TENM2: variants seen among roughly 807,000 people sequenced by gnomAD.
TENM2 encodes the protein teneurin-2.
TENM2 carries 52 observed loss-of-function variants against 245.2 expected under a neutral mutation model. The ratio of observed to expected loss-of-function variants is 0.21; its 90% CI spans 0.17 to 0.27. The LOEUF is 0.27. Ranked by LOEUF, TENM2 falls within the 10% of genes least tolerant of loss-of-function variation. The pLI is 1.00. For missense variants in TENM2, 3,046 were observed against 3,666.8 expected (o/e 0.83, Z 4.37); for synonymous variants, 1,363 against 1,438.9 (o/e 0.95, Z 1.19).
At chr5:167,463,749 G>A (rs1274978742) in intron 2 of TENM2, among the ~76,000 whole-genome samples, 18 of 152,084 alleles carry the variant, frequency 1.2e-4, no homozygotes, top group Non-Finnish European at 1.5e-5. Flanking sequence ...GCCTGCTTCG[G>A]CCCCCCAGAC....
intron 2 of TENM2, among the ~76,000 whole-genome samples, chr5:167,847,620 AAGTT>A (rs1422656181): frequency 1.3e-5 from 2 of 152,174 alleles, no homozygotes; most frequent in Non-Finnish European, 2.9e-5. Flanking sequence ...ACCTCACTGA[AAGTT>A]AGCGCATCTC....
intron 2 of TENM2, among the ~76,000 whole-genome samples, chr5:167,488,008 A>T (rs1183169030): frequency 6.6e-6 from 1 of 152,192 alleles, no homozygotes; most frequent in Non-Finnish European, 1.5e-5. Flanking sequence ...ACCCCACAGT[A>T]TCCTCAGGTA....
chr5:167,503,409 A>G (rs1386486011), intron 2 of TENM2, among the ~76,000 whole-genome samples: 4 of 152,096 alleles, frequency 2.6e-5, no homozygotes, highest in African/African-American at 7.2e-5. Context: ...GGTACGGGAG[A>G]GTGCAGAGAA....
intron 2 of TENM2, among the ~76,000 whole-genome samples, chr5:167,656,554 G>A (rs114779465): frequency 3.9e-5 from 6 of 152,114 alleles, no homozygotes; most frequent in African/African-American, 1.4e-4. Context: ...AAACATCATG[G>A]GAAGATGACT....
intron 2 of TENM2, among the ~76,000 whole-genome samples, chr5:167,652,814 T>G (rs902035191): frequency 6.6e-6 from 1 of 152,170 alleles, no homozygotes; most frequent in Non-Finnish European, 1.5e-5. Flanking sequence ...TTCCTCTGAG[T>G]CATCTAACTT....
intron 9 of TENM2, among the ~76,000 whole-genome samples, chr5:168,104,431 C>T (rs529246086): frequency 9.2e-5 from 14 of 152,288 alleles, no homozygotes; most frequent in African/African-American, 2.2e-4. Context: ...CAGCTGTGCC[C>T]GGAATTCCCT....
rs1396559013 is a variant in TENM2 at position 168,199,887 on chromosome 5, C to T, written c.3186C>T (p.Leu1062=). ...AGGTTCTTCATGAAGAAATCGAGCT[C>T]CCTGGTTCCAATGTGAAACTTCGCT... The change falls in exon 17 of 29, where the codon CTC becomes CTT. Residue 1062 remains leucine (L), a synonymous_variant. Coordinates refer to ENST00000518659, the Ensembl canonical transcript of TENM2. 2.5e-6 allele frequency: 4 copies of T among 1,613,766 alleles called. No individual in the cohort carries two copies. The Admixed American group carries it at 6.7e-5, about 27-fold the overall frequency.
the TENM2 span, among the ~76,000 whole-genome samples, chr5:167,016,322 A>C: frequency 6.6e-6 from 1 of 150,538 alleles, no homozygotes; most frequent in East Asian, 1.9e-4. Context: ...CCTCCTGTCT[A>C]CTGTCCTTTC....
intron 2 of TENM2, among the ~76,000 whole-genome samples, chr5:167,772,923 A>G (rs745919401): frequency 2.6e-5 from 4 of 152,308 alleles, no homozygotes; most frequent in East Asian, 3.9e-4. Flanking sequence ...AAAACTTTGT[A>G]CTTGTACCCT....
chr5:167,691,125 G>C (rs1582763141), intron 2 of TENM2, among the ~76,000 whole-genome samples: 1 of 152,088 alleles, frequency 6.6e-6, no homozygotes, highest in Non-Finnish European at 1.5e-5. Context: ...GTCACACTTA[G>C]TATCATTTTC....
At chr5:167,983,361 A>G (rs1782988272) in intron 4 of TENM2, among the ~76,000 whole-genome samples, 1 of 152,198 alleles carries the variant, frequency 6.6e-6, no homozygotes, top group African/African-American at 2.4e-5. Context: ...ACAGTGTGAC[A>G]CTATTTAAAT....
At position 167,344,245 on chromosome 5, in the gene TENM2, T is replaced by C. The variant is rs560633803; in HGVS notation, c.227-30953T>C. ...TGCATAAAGCATTTTGGAGATAATA[T>C]ATATAACAGAGAATACACAAACACA... On this transcript the variant is annotated intron_variant, in intron 1 of 28. Transcript: ENST00000518659. Among the ~76,000 whole-genome samples the C allele has an allele frequency of 7.4e-5, 11 of 148,484 alleles. No homozygotes were observed. The South Asian group carries it at 2.3e-3, about 31-fold the overall frequency.
intron 25 of TENM2, chr5:168,229,814 T>TTTCTTCCTC (rs1764674096): frequency 6.6e-6 from 1 of 152,202 alleles, no homozygotes; most frequent in Admixed American, 6.5e-5. Context: ...CTCCCAGGTT[T>TTTCTTCCTC]TTCTTCCTCT....
chr5:168,002,833 C>A (rs1173600129), intron 5 of TENM2, among the ~76,000 whole-genome samples: 1 of 152,200 alleles, frequency 6.6e-6, no homozygotes, highest in African/African-American at 2.4e-5. Flanking sequence ...CAAGAAATTT[C>A]ACTTTGGCAT....
At chr5:167,324,468 G>A (rs1169516258) in intron 1 of TENM2, among the ~76,000 whole-genome samples, 1 of 152,022 alleles carries the variant, frequency 6.6e-6, no homozygotes, top group African/African-American at 2.4e-5. Flanking sequence ...TATAATTTGA[G>A]CAAATACTCG....
chr5:167,814,792 A>G (rs971259527), intron 2 of TENM2, among the ~76,000 whole-genome samples: 5 of 152,156 alleles, frequency 3.3e-5, no homozygotes, highest in African/African-American at 4.8e-5. Context: ...GTCAGAAACA[A>G]TAAGTCAAGT....
the TENM2 span, among the ~76,000 whole-genome samples, chr5:167,230,475 G>A: frequency 6.6e-6 from 1 of 152,012 alleles, no homozygotes; most frequent in African/African-American, 2.4e-5. Flanking sequence ...TCACTATTTT[G>A]GTTCTTCTTA....
intron 4 of TENM2, among the ~76,000 whole-genome samples, chr5:167,957,842 T>G (rs186901191): frequency 6.6e-6 from 1 of 152,328 alleles, no homozygotes; most frequent in Admixed American, 6.5e-5. Flanking sequence ...TGAGAGACTG[T>G]TTGTTATGAT....
chr5:167,640,842 C>CATAT (rs60136419), intron 2 of TENM2, among the ~76,000 whole-genome samples: 3 of 75,492 alleles, frequency 4.0e-5, no homozygotes, highest in African/African-American at 1.2e-4. Flanking sequence ...TATATATATC[C>CATAT]ATATATATAT....
Sources: gnomAD v4.1 joint callset for allele counts (sites outside exome capture counted in the v4.1 genomes callset) on GRCh38, gnomAD v4.1.1 for gene constraint, MANE v1.5 for transcripts, NCBI Gene and HGNC (gene_info 2026-07-23, HGNC 2026-07-21) for gene names.